SPTLC3: variants seen among roughly 807,000 people sequenced by gnomAD.
SPTLC3 encodes the protein serine palmitoyltransferase long chain base subunit 3, also known as serine palmitoyltransferase 3.
In SPTLC3, 36 loss-of-function variants were observed where a neutral mutation model predicts 59.3. That is an observed-to-expected ratio of 0.61 (90% CI 0.47 to 0.80). SPTLC3 has a LOEUF of 0.80. Ranked by LOEUF, SPTLC3 falls within the 30% of genes least tolerant of loss-of-function variation. The pLI is 0.00. For missense variants in SPTLC3, 625 were observed against 685.1 expected (o/e 0.91, Z 0.98); for synonymous variants, 257 against 240.8 (o/e 1.07, Z -0.62).
Position 13,074,355 on chromosome 20 carries a change from T to A in SPTLC3, c.465T>A (p.Thr155=), listed in dbSNP as rs1988562073. Residue 155 remains threonine, a synonymous_variant, in exon 4 of 12, where the codon ACT becomes ACA. Coordinates refer to ENST00000399002, the MANE Select transcript of SPTLC3 (RefSeq NM_018327.4). ...SDDYNWTFRF[T]GRVIKDVINM... ...TTTACATGTTTCCCCACAGGTTTAC[T>A]GGAAGAGTCATCAAAGATGTCATCA... is the stretch of plus-strand genomic sequence containing the variant. 2 of 1,613,812 alleles carry A rather than the reference T, an allele frequency of 1.2e-6. No homozygotes were observed. The highest frequency in any genetic ancestry group is 8.5e-7 in the Non-Finnish European group (1 of 1,179,892).
intron 9 of SPTLC3, among the ~76,000 whole-genome samples, chr20:13,134,128 A>G (rs1157164790): frequency 6.6e-6 from 1 of 152,222 alleles, no homozygotes; most frequent in Non-Finnish European, 1.5e-5. Context: ...TGCAGCTACC[A>G]TATAACAATC....
chr20:13,063,286 T>C (rs987975344), intron 2 of SPTLC3, among the ~76,000 whole-genome samples: 2 of 152,256 alleles, frequency 1.3e-5, no homozygotes, highest in African/African-American at 4.8e-5. Context: ...GAAAATTGAT[T>C]TAGAGGAACT....
At chr20:13,040,432 C>T (rs1348511752) in intron 1 of SPTLC3, among the ~76,000 whole-genome samples, 2 of 151,688 alleles carry the variant, frequency 1.3e-5, no homozygotes, top group African/African-American at 4.8e-5. Flanking sequence ...AATCTCGGCT[C>T]ACTGCAACCT....
intron 1 of SPTLC3, among the ~76,000 whole-genome samples, chr20:13,018,806 C>T (rs1985701146): frequency 6.6e-6 from 1 of 152,078 alleles, no homozygotes; most frequent in African/African-American, 2.4e-5. Context: ...ATATGGCTAC[C>T]TTTGTCTCAG....
chr20:13,053,336 AG>A (rs1987577485), intron 2 of SPTLC3, among the ~76,000 whole-genome samples: 1 of 152,174 alleles, frequency 6.6e-6, no homozygotes, highest in Non-Finnish European at 1.5e-5. Flanking sequence ...CAAAACAGAA[AG>A]GAATAGCGTC....
chr20:13,027,639 AC>A (rs1986218056), intron 1 of SPTLC3, among the ~76,000 whole-genome samples: 1 of 59,130 alleles, frequency 1.7e-5, no homozygotes, highest in Non-Finnish European at 3.8e-5. Context: ...CTATTTCAGC[AC>A]GCACACACAC....
At chr20:13,056,453 TTTTC>T (rs201545119) in intron 2 of SPTLC3, among the ~76,000 whole-genome samples, 31,725 of 60,140 alleles carry the variant, frequency 0.53, 4,087 homozygotes, top group South Asian at 0.62. Context: ...CTTTAACTTT[TTTTC>T]TTTTTTTTTT....
At chr20:13,052,094 C>T (rs1022699056) in intron 2 of SPTLC3, among the ~76,000 whole-genome samples, 18 of 152,092 alleles carry the variant, frequency 1.2e-4, no homozygotes, top group Non-Finnish European at 2.4e-4. Flanking sequence ...GATGGCCGAA[C>T]AGGAACAGCT....
At chr20:13,115,310 G>C (rs1387599919) in intron 7 of SPTLC3, among the ~76,000 whole-genome samples, 1 of 152,112 alleles carries the variant, frequency 6.6e-6, no homozygotes, top group African/African-American at 2.4e-5. Flanking sequence ...CTAGGACTCT[G>C]TGTGTGCCCT....
At chr20:13,148,286 G>A (rs2038562301) in intron 9 of SPTLC3, among the ~76,000 whole-genome samples, 1 of 152,172 alleles carries the variant, frequency 6.6e-6, no homozygotes. Context: ...TTGGAGGGGA[G>A]GTTAAAGTAT....
At chr20:13,084,663 A>C (rs1317195950) in intron 4 of SPTLC3, among the ~76,000 whole-genome samples, 1 of 152,172 alleles carries the variant, frequency 6.6e-6, no homozygotes, top group African/African-American at 2.4e-5. Context: ...GATGGTCTGC[A>C]TTTATCAGTT....
At chr20:13,036,936 C>A (rs934110565) in intron 1 of SPTLC3, among the ~76,000 whole-genome samples, 1 of 152,086 alleles carries the variant, frequency 6.6e-6, no homozygotes, top group Non-Finnish European at 1.5e-5. Flanking sequence ...TTTTGTTATT[C>A]TCTCATAGCA....
In SPTLC3 at chr20:13,056,933, C is replaced by T. The variant is rs376920579; in HGVS notation, c.303+7803C>T. On this transcript the variant is annotated intron_variant, in intron 2 of 11. Transcript: ENST00000399002. ...ATTTTTGTATTTTTAGTACAGACAG[C>T]GTTTCACTATGTTGGCCAGGCTGGT... is the stretch of plus-strand genomic sequence containing the variant. Among the ~76,000 whole-genome samples the T allele has an allele frequency of 4.5e-4, 68 of 151,692 alleles. 2 individuals carry two copies. Among genetic ancestry groups the T allele is most frequent in the South Asian group, 3.3e-3 (16 of 4,788 alleles).
intron 2 of SPTLC3, among the ~76,000 whole-genome samples, chr20:13,056,540 C>T (rs1373369366): frequency 6.6e-6 from 1 of 150,722 alleles, no homozygotes; most frequent in East Asian, 2.0e-4. Flanking sequence ...CCTCCACCAC[C>T]TGGGCTCAAG....
At chr20:13,125,202 AG>A (rs2037960300) in intron 8 of SPTLC3, among the ~76,000 whole-genome samples, 1 of 152,174 alleles carries the variant, frequency 6.6e-6, no homozygotes. Flanking sequence ...GGAGCTTCTT[AG>A]GGCTTTCAGC....
chr20:13,089,797 A>AAG (rs1989149814), intron 4 of SPTLC3, among the ~76,000 whole-genome samples: 1 of 144,210 alleles, frequency 6.9e-6, no homozygotes, highest in African/African-American at 2.6e-5. Context: ...AAAAAAAAAA[A>AAG]AAAAAAACAA....
intron 6 of SPTLC3, among the ~76,000 whole-genome samples, chr20:13,100,319 A>G (rs1989558535): frequency 6.6e-6 from 1 of 152,200 alleles, no homozygotes. Flanking sequence ...TGAATACCTG[A>G]GAAGACTAAA....
At chr20:13,090,398 A>G (rs1344259204) in intron 4 of SPTLC3, among the ~76,000 whole-genome samples, 1 of 152,186 alleles carries the variant, frequency 6.6e-6, no homozygotes, top group African/African-American at 2.4e-5. Flanking sequence ...AATAAATTAT[A>G]ACTAGTTTTA....
chr20:13,019,534 A>G (rs933661300), intron 1 of SPTLC3, among the ~76,000 whole-genome samples: 5 of 152,188 alleles, frequency 3.3e-5, no homozygotes, highest in Admixed American at 3.3e-4. Context: ...GAGTTGATAT[A>G]TTAACAATTA....
Sources: allele counts gnomAD v4.1 joint callset (sites outside exome capture counted in the v4.1 genomes callset), GRCh38; gene constraint gnomAD v4.1.1; transcripts MANE v1.5; gene names NCBI Gene and HGNC (gene_info 2026-07-23, HGNC 2026-07-21).